ERC2: variants seen among roughly 807,000 people sequenced by gnomAD.
ERC2 encodes the protein ERC protein 2.
Under a neutral mutation model 114.8 loss-of-function variants are expected in ERC2, and 42 were observed. The observed-to-expected ratio is 0.37, with a 90% CI of 0.29 to 0.47. The LOEUF (loss-of-function observed/expected upper bound fraction) is 0.47, where lower values mean the gene tolerates loss of function less well. Ranked by LOEUF, ERC2 falls within the 20% of genes least tolerant of loss-of-function variation. The pLI, the probability that ERC2 is intolerant of heterozygous loss-of-function variation, is 0.99. For missense variants in ERC2, 939 were observed against 1,150.7 expected, an observed-to-expected ratio of 0.82 and a Z score of 2.66; for synonymous variants, 454 against 425.5, an observed-to-expected ratio of 1.07 and a Z score of -0.82.
chr3:55,599,990 C>T (rs1207238368), intron 17 of ERC2, among the ~76,000 whole-genome samples: 1 of 152,022 alleles, frequency 6.6e-6, no homozygotes, highest in Middle Eastern at 3.2e-3. Context: ...ATAGACAGGA[C>T]AGAAAATGGA....
chr3:55,891,825 G>T (rs1440165525), intron 13 of ERC2, among the ~76,000 whole-genome samples: 1 of 152,098 alleles, frequency 6.6e-6, no homozygotes, highest in African/African-American at 2.4e-5. Context: ...TATTCTTGCG[G>T]TCCCATGGTA....
intron 6 of ERC2, among the ~76,000 whole-genome samples, chr3:56,123,482 C>T (rs2079700145): frequency 6.6e-6 from 1 of 151,908 alleles, no homozygotes; most frequent in African/African-American, 2.4e-5. Context: ...CCAGAAATTA[C>T]CAGTTTATGG....
chr3:55,995,976 C>T (rs1168043684), intron 10 of ERC2, among the ~76,000 whole-genome samples: 1 of 152,152 alleles, frequency 6.6e-6, no homozygotes, highest in East Asian at 1.9e-4. Context: ...AACATGAGTT[C>T]TTTAATCTGA....
At chr3:56,050,840 C>T (rs1342684566) in intron 7 of ERC2, among the ~76,000 whole-genome samples, 2 of 152,148 alleles carry the variant, frequency 1.3e-5, no homozygotes, top group African/African-American at 4.8e-5. Context: ...TTCCCAATAC[C>T]TAGCACATAC....
chr3:56,294,630 T>C (rs1023996212), intron 3 of ERC2, among the ~76,000 whole-genome samples: 11 of 152,370 alleles, frequency 7.2e-5, no homozygotes, highest in Admixed American at 7.2e-4. Flanking sequence ...CAGTCTTATG[T>C]AACCTAATCC....
chr3:55,549,486 T>TTTTC (rs1162544070), intron 17 of ERC2, among the ~76,000 whole-genome samples: 2 of 151,456 alleles, frequency 1.3e-5, no homozygotes, highest in East Asian at 3.9e-4. Flanking sequence ...CCTTTTTTTT[T>TTTTC]TTTTTTTTTT....
At chr3:55,520,279 T>TA (rs1205191761) in intron 17 of ERC2, among the ~76,000 whole-genome samples, 2 of 147,110 alleles carry the variant, frequency 1.4e-5, no homozygotes, top group Non-Finnish European at 3.0e-5. Context: ...CTACTAAAAA[T>TA]AAAAAAATTA....
In ERC2 at chr3:55,592,472, T is replaced by A. The variant is rs1037528927; in HGVS notation, c.*40-81196A>T. Among the ~76,000 whole-genome samples the A allele has an allele frequency of 9.2e-5, 14 of 152,042 alleles. No individual in the cohort carries two copies. The South Asian group carries it at 2.9e-3, about 32-fold the overall frequency. On this transcript the variant is annotated intron_variant, in intron 17 of 17. Coordinates refer to ENST00000288221, the MANE Select transcript of ERC2 (RefSeq NM_015576.3). The stretch of plus-strand genomic sequence containing the variant: ...CTGACAATCGATTTCTCCATGCTGG[T>A]AGAGTCATGGGGAAAGGCAAAGACC...
At chr3:55,638,308 T>C (rs1459486560) in intron 17 of ERC2, among the ~76,000 whole-genome samples, 1 of 152,226 alleles carries the variant, frequency 6.6e-6, no homozygotes, top group Non-Finnish European at 1.5e-5. Flanking sequence ...AAAGCACAAG[T>C]AGCTTTTTCT....
chr3:55,777,046 C>T (rs1211349006), intron 14 of ERC2, among the ~76,000 whole-genome samples: 1 of 151,646 alleles, frequency 6.6e-6, no homozygotes, highest in Admixed American at 6.6e-5. Context: ...TCTCTTTCTC[C>T]TTCTCACCCC....
chr3:56,258,819 C>T (rs2052706803), intron 3 of ERC2, among the ~76,000 whole-genome samples: 1 of 152,134 alleles, frequency 6.6e-6, no homozygotes, highest in African/African-American at 2.4e-5. Context: ...ATAGAGAGTG[C>T]CCCAAACTCC....
intron 3 of ERC2, among the ~76,000 whole-genome samples, chr3:56,243,396 G>C (rs931443364): frequency 6.6e-6 from 1 of 152,176 alleles, no homozygotes; most frequent in African/African-American, 2.4e-5. Context: ...GCTGACAAGG[G>C]AAAAAGATCC....
chr3:55,734,132 C>T (rs1274404036), intron 15 of ERC2, among the ~76,000 whole-genome samples: 3 of 152,178 alleles, frequency 2.0e-5, no homozygotes, highest in Admixed American at 2.0e-4. Context: ...TATGCCCCTG[C>T]TTCCATGTCC....
chr3:56,004,273 A>C (rs1040258573), intron 10 of ERC2, among the ~76,000 whole-genome samples: 1 of 152,036 alleles, frequency 6.6e-6, no homozygotes, highest in African/African-American at 2.4e-5. Context: ...GCCTCTTCTC[A>C]ACTCTTGGGT....
intron 6 of ERC2, among the ~76,000 whole-genome samples, chr3:56,096,338 G>A (rs2078060175): frequency 6.6e-6 from 1 of 152,104 alleles, no homozygotes. Flanking sequence ...ATTTTCATGA[G>A]GCCCCTCAGC....
intron 12 of ERC2, among the ~76,000 whole-genome samples, chr3:55,973,309 A>C (rs898922021): frequency 1.3e-5 from 2 of 152,202 alleles, no homozygotes; most frequent in Non-Finnish European, 2.9e-5. Context: ...GGCCACTTAG[A>C]GTTTTCTATC....
chr3:55,894,292 T>A (rs1323872588), intron 13 of ERC2, among the ~76,000 whole-genome samples: 1 of 152,222 alleles, frequency 6.6e-6, no homozygotes, highest in Non-Finnish European at 1.5e-5. Flanking sequence ...TTTCTCAACT[T>A]AAACTTGGAG....
chr3:56,240,667 G>A (rs1576025333), intron 3 of ERC2, among the ~76,000 whole-genome samples: 1 of 152,106 alleles, frequency 6.6e-6, no homozygotes, highest in African/African-American at 2.4e-5. Flanking sequence ...CAATTTCAGA[G>A]ACACAAAAAT....
intron 17 of ERC2, among the ~76,000 whole-genome samples, chr3:55,582,341 T>G (rs1301345594): frequency 6.6e-6 from 1 of 152,194 alleles, no homozygotes; most frequent in Non-Finnish European, 1.5e-5. Context: ...TATAGTTGGA[T>G]AGATGGATGG....
Sources: allele counts gnomAD v4.1 joint callset (sites outside exome capture counted in the v4.1 genomes callset), GRCh38; gene constraint gnomAD v4.1.1; transcripts MANE v1.5; gene names NCBI Gene and HGNC (gene_info 2026-07-23, HGNC 2026-07-21).